The following ANKS1B variants were observed in gnomAD, a reference collection of about 807,000 sequenced individuals.
ANKS1B encodes the protein ankyrin repeat and sterile alpha motif domain-containing protein 1B.
ANKS1B carries 36 observed loss-of-function variants against 148.3 expected under a neutral mutation model. The ratio of observed to expected loss-of-function variants is 0.24; its 90% CI spans 0.19 to 0.32. ANKS1B has a LOEUF of 0.32. Among genes scored for constraint, ANKS1B ranks in the 10% least tolerant of loss-of-function variants. The pLI is 1.00. For synonymous variants in ANKS1B, 542 were observed against 560.8 expected, an observed-to-expected ratio of 0.97 and a Z score of 0.47; for missense variants, 1,157 against 1,542.6, an observed-to-expected ratio of 0.75 and a Z score of 4.19.
In ANKS1B at chr12:99,775,618, A is replaced by G. The variant is rs139566932; in HGVS notation, c.891T>C (p.Pro297=). The G allele has an allele frequency of 1.3e-4, 206 of 1,612,406 alleles. No homozygotes were observed. In the East Asian group the frequency reaches 2.9e-3, roughly 23 times the overall value. ...GVGRSTVLEE[P]VQEDATQETH... ...TTTCTTGTGTTGCATCTTCCTGTAC[A>G]GGCTCTTCGAGGACTGTAGATCTTC... Residue 297 remains proline (P), a synonymous_variant, in exon 7 of 27, where the codon CCT becomes CCC. Transcript: ENST00000683438.
intron 1 of ANKS1B, among the ~76,000 whole-genome samples, chr12:99,890,570 GGTGTGTGTGTGTGTGTGTGTGTGTGT>G (rs10603901): frequency 1.2e-4 from 17 of 138,046 alleles, no homozygotes; most frequent in East Asian, 9.6e-4. Flanking sequence ...TCGCATTCAT[GGTGTGTGTGTGTGTGTGTGTGTGTGT>G]GTGTGTGTGT....
At chr12:98,836,893 T>C (rs1445308256) in intron 17 of ANKS1B, among the ~76,000 whole-genome samples, 1 of 152,162 alleles carries the variant, frequency 6.6e-6, no homozygotes, top group Non-Finnish European at 1.5e-5. Flanking sequence ...ATTTGGAGGA[T>C]TCAAAGGGGA....
intron 9 of ANKS1B, among the ~76,000 whole-genome samples, chr12:99,642,419 T>C (rs538952115): frequency 6.6e-6 from 1 of 152,266 alleles, no homozygotes; most frequent in Admixed American, 6.5e-5. Context: ...TAGCTTAAAA[T>C]AACAAAATAT....
intron 11 of ANKS1B, among the ~76,000 whole-genome samples, chr12:99,441,319 C>G (rs954089595): frequency 2.6e-5 from 4 of 151,854 alleles, no homozygotes; most frequent in Admixed American, 2.0e-4. Flanking sequence ...CAGGAGTCTC[C>G]TGTTCTATCC....
At chr12:99,962,332 G>A (rs2095424138) in intron 1 of ANKS1B, among the ~76,000 whole-genome samples, 1 of 152,100 alleles carries the variant, frequency 6.6e-6, no homozygotes, top group South Asian at 2.1e-4. Flanking sequence ...GTTTGCTGAG[G>A]ATGACGGCTT....
chr12:99,824,726 G>A (rs12366610), intron 2 of ANKS1B, among the ~76,000 whole-genome samples: 9,509 of 151,980 alleles, frequency 0.063, 332 homozygotes, highest in Middle Eastern at 0.15. Context: ...AGATTGTTAC[G>A]GCTACACACT....
chr12:99,814,022 A>T (rs1209755344), intron 2 of ANKS1B, among the ~76,000 whole-genome samples: 1 of 151,702 alleles, frequency 6.6e-6, no homozygotes, highest in African/African-American at 2.4e-5. Flanking sequence ...TAGATACATA[A>T]ATACTTTCTG....
At chr12:98,768,437 A>AAAAAAG (rs2098515651) in intron 25 of ANKS1B, among the ~76,000 whole-genome samples, 1 of 149,006 alleles carries the variant, frequency 6.7e-6, no homozygotes, top group Non-Finnish European at 1.5e-5. Context: ...AAAAAAAAAA[A>AAAAAAG]AAAAAAAAAA....
chr12:99,677,307 A>G (rs936571951), intron 8 of ANKS1B, among the ~76,000 whole-genome samples: 7 of 152,124 alleles, frequency 4.6e-5, no homozygotes, highest in African/African-American at 1.4e-4. Flanking sequence ...TAAAAGCAGT[A>G]CCACTTGCCC....
intron 8 of ANKS1B, among the ~76,000 whole-genome samples, chr12:99,659,642 GT>G (rs1446343648): frequency 6.7e-6 from 1 of 149,842 alleles, no homozygotes; most frequent in Non-Finnish European, 1.5e-5. Context: ...GTTCGTGTGT[GT>G]TTGTGTGTCT....
intron 17 of ANKS1B, among the ~76,000 whole-genome samples, chr12:98,978,553 A>G (rs925631800): frequency 6.6e-6 from 1 of 152,000 alleles, no homozygotes; most frequent in African/African-American, 2.4e-5. Context: ...GGCTTAGAGT[A>G]CTCACATAAA....
chr12:99,585,896 T>A (rs547775303), intron 9 of ANKS1B, among the ~76,000 whole-genome samples: 1 of 152,112 alleles, frequency 6.6e-6, no homozygotes, highest in Non-Finnish European at 1.5e-5. Flanking sequence ...ATGAAATCAT[T>A]TTTTCCTCCT....
intron 17 of ANKS1B, among the ~76,000 whole-genome samples, chr12:98,953,537 G>GTGTT: frequency 3.5e-5 from 2 of 57,456 alleles, no homozygotes; most frequent in East Asian, 6.4e-4. Flanking sequence ...ATCTAGAGTG[G>GTGTT]TTTTTTTTTT....
rs547155630 is a variant in ANKS1B, at chr12:99,671,497, C to T, written c.1129-16287G>A. Among the ~76,000 whole-genome samples the T allele has an allele frequency of 2.2e-4, 33 of 152,196 alleles. No individual in the cohort carries two copies. The South Asian group carries it at 6.6e-3, about 31-fold the overall frequency. On this transcript the variant is annotated intron_variant, in intron 8 of 26. Transcript: ENST00000683438. ...CTTTTCAATATACAACATATATTCC[C>T]TGTCTTTTCTCATCTTTATATTGTA...
At chr12:98,904,168 C>T (rs1463553685) in intron 17 of ANKS1B, among the ~76,000 whole-genome samples, 2 of 151,786 alleles carry the variant, frequency 1.3e-5, no homozygotes, top group Non-Finnish European at 2.9e-5. Context: ...TGATGAGAGG[C>T]TGAAGCAAGG....
At chr12:99,100,933 C>T (rs191152212) in intron 15 of ANKS1B, among the ~76,000 whole-genome samples, 220 of 152,242 alleles carry the variant, frequency 1.4e-3, no homozygotes, top group African/African-American at 4.2e-3. Context: ...TTTTGGGAAG[C>T]GGAACATCTC....
In ANKS1B at chr12:99,768,842, A is replaced by C. The variant is rs1467146209; in HGVS notation, c.1128+4080T>G. On this transcript the variant is annotated intron_variant, in intron 8 of 26. Coordinates refer to ENST00000683438, the MANE Select transcript of ANKS1B (RefSeq NM_001352186.2). The stretch of plus-strand genomic sequence containing the variant: ...CCGTCTCAGAAAAAAAAAAAAAAAA[A>C]AAAAAACACATCAGGAGAACCTGCT... Among the ~76,000 whole-genome samples, 5 of 150,536 alleles carry C rather than the reference A, an allele frequency of 3.3e-5. No homozygotes were observed. The South Asian group carries it at 6.3e-4, about 19-fold the overall frequency.
intron 11 of ANKS1B, among the ~76,000 whole-genome samples, chr12:99,427,687 T>C (rs1444495449): frequency 1.3e-5 from 2 of 152,208 alleles, no homozygotes; most frequent in African/African-American, 4.8e-5. Context: ...TTGCTCACTG[T>C]TATTACCTGT....
At chr12:98,845,195 C>G (rs1183076715) in intron 17 of ANKS1B, among the ~76,000 whole-genome samples, 1 of 152,140 alleles carries the variant, frequency 6.6e-6, no homozygotes, top group Non-Finnish European at 1.5e-5. Flanking sequence ...CCTAACAAGG[C>G]TGGTAATTAC....
Sources: gnomAD v4.1 joint callset for allele counts (sites outside exome capture counted in the v4.1 genomes callset) on GRCh38, gnomAD v4.1.1 for gene constraint, MANE v1.5 for transcripts, NCBI Gene and HGNC (gene_info 2026-07-23, HGNC 2026-07-21) for gene names.